The following MAPRE2 variants were observed in gnomAD, a reference collection of about 807,000 sequenced individuals.
MAPRE2 encodes microtubule associated protein RP/EB family member 2, also known as microtubule-associated protein RP/EB family member 2.
MAPRE2 carries 13 observed loss-of-function variants against 43.2 expected under a neutral mutation model. That is an observed-to-expected ratio of 0.30 (90% confidence interval 0.20 to 0.48). The LOEUF is 0.48. Ranked by LOEUF, MAPRE2 falls within the 20% of genes least tolerant of loss-of-function variation. The pLI is 0.99. For missense variants in MAPRE2, 161 were observed against 400.2 expected, an observed-to-expected ratio of 0.40 and a Z score of 5.10; for synonymous variants, 135 against 148.8, an observed-to-expected ratio of 0.91 and a Z score of 0.68.
chr18:35,108,941 A>G (rs749056884), intron 4 of MAPRE2, among the ~76,000 whole-genome samples: 10 of 152,002 alleles, frequency 6.6e-5, no homozygotes, highest in South Asian at 2.1e-4. Flanking sequence ...CACTCTGATG[A>G]TAGTTTCTTT....
At chr18:35,058,981 G>A (rs1365277167) in intron 1 of MAPRE2, among the ~76,000 whole-genome samples, 2 of 152,136 alleles carry the variant, frequency 1.3e-5, no homozygotes, top group South Asian at 2.1e-4. Flanking sequence ...AAACCTCTCC[G>A]AGTCTGTATC....
At chr18:35,083,499 C>T (rs1396085489) in intron 2 of MAPRE2, among the ~76,000 whole-genome samples, 1 of 152,228 alleles carries the variant, frequency 6.6e-6, no homozygotes, top group African/African-American at 2.4e-5. Flanking sequence ...AGACTCTAGC[C>T]TGTGAGACAT....
upstream of MAPRE2, chr18:35,041,355 C>T: frequency 6.9e-7 from 1 of 1,444,496 alleles, no homozygotes. Flanking sequence ...TGCCGGCGCT[C>T]TGACGTCAGC....
At chr18:35,108,889 G>T (rs1360602813) in intron 4 of MAPRE2, among the ~76,000 whole-genome samples, 1 of 152,048 alleles carries the variant, frequency 6.6e-6, no homozygotes, top group African/African-American at 2.4e-5. Context: ...TGTCAGATGG[G>T]TAGATTGCAA....
At chr18:35,022,419 C>T (rs1250682294) in intron 2 of MAPRE2, among the ~76,000 whole-genome samples, 1 of 151,928 alleles carries the variant, frequency 6.6e-6, no homozygotes. Flanking sequence ...ACGGTATATG[C>T]TTCTTCTGTC....
At chr18:35,063,319 G>T (rs1259984931) in intron 1 of MAPRE2, among the ~76,000 whole-genome samples, 2 of 152,000 alleles carry the variant, frequency 1.3e-5, no homozygotes, top group Non-Finnish European at 2.9e-5. Flanking sequence ...GTGTTAGCCA[G>T]GATGGTCTTG....
chr18:35,061,670 A>G (rs1021582622), intron 1 of MAPRE2, among the ~76,000 whole-genome samples: 7 of 152,218 alleles, frequency 4.6e-5, no homozygotes, highest in South Asian at 2.1e-4. Flanking sequence ...GCATACGGCA[A>G]TTAGTCCACA....
intron 2 of MAPRE2, among the ~76,000 whole-genome samples, chr18:35,092,190 A>G (rs949264151): frequency 6.6e-6 from 1 of 152,158 alleles, no homozygotes; most frequent in Non-Finnish European, 1.5e-5. Flanking sequence ...ACCAGGCCCC[A>G]CCTCCAAAAT....
intron 1 of MAPRE2, among the ~76,000 whole-genome samples, chr18:34,995,518 A>G (rs2097026062): frequency 6.6e-6 from 1 of 152,220 alleles, no homozygotes; most frequent in Non-Finnish European, 1.5e-5. Context: ...ATTTGCACAA[A>G]CTAGTTAATC....
chr18:35,035,762 G>T (rs2097050230), intron 2 of MAPRE2, among the ~76,000 whole-genome samples: 1 of 148,498 alleles, frequency 6.7e-6, no homozygotes. Flanking sequence ...TCCTTCCTGT[G>T]ATTTGCCCTA....
chr18:35,132,012 TCAC>T lies in MAPRE2; in HGVS notation c.751-19_751-17del. On this transcript the variant is annotated splice_polypyrimidine_tract_variant and intron_variant, in intron 5 of 6. Transcript: ENST00000300249. ...CTATATTTTGGGTGGTTTTTTTTCT[TCAC>T]TCTCACTCCCTTGCAGGTACATTCA... 6.2e-7 allele frequency: 1 copy of T among 1,612,130 alleles called. No homozygotes were observed. The highest frequency in any genetic ancestry group is 1.7e-5 in the Admixed American group (1 of 59,646).
intron 1 of MAPRE2, among the ~76,000 whole-genome samples, chr18:34,992,992 C>G (rs1230675355): frequency 6.6e-6 from 1 of 152,196 alleles, no homozygotes; most frequent in East Asian, 1.9e-4. Flanking sequence ...AGCAGAACCA[C>G]TGATGGAGCC....
At position 34,980,023 on chromosome 18, in the gene MAPRE2, CTTTTTTTCTTTTTTTTTTT is replaced by C. The variant is rs1194935716; in HGVS notation, c.-70+2952_-70+2970del. 5.4e-4 allele frequency among the ~76,000 whole-genome samples: 72 copies of C among 132,436 alleles called. 1 individual carries two copies. Among genetic ancestry groups the C allele is most frequent in the Non-Finnish European group, 5.7e-4 (36 of 62,840 alleles). The allele number at this position is 132,436 out of a possible 152,430, so 86.9% of individuals were successfully genotyped here. A position where few individuals can be genotyped will look rare whatever the true frequency, so the allele number is the denominator to read the frequency against. On this transcript the variant is annotated intron_variant, in intron 1 of 7. Coordinates refer to the MAPRE2 transcript ENST00000413393. ...TTTCTTTTCTTTTCTTTTTCTTTTT[CTTTTTTTCTTTTTTTTTTT>C]TTTTTTTTTTTTGAGACAGAGTCTC...
intron 1 of MAPRE2, among the ~76,000 whole-genome samples, chr18:35,050,163 A>G (rs1489053188): frequency 6.6e-6 from 1 of 152,082 alleles, no homozygotes; most frequent in Non-Finnish European, 1.5e-5. Flanking sequence ...TTTTTTTCTA[A>G]ACTGAAACTA....
chr18:35,128,799 G>A (rs771997799), intron 5 of MAPRE2, among the ~76,000 whole-genome samples: 4 of 151,952 alleles, frequency 2.6e-5, no homozygotes, highest in Non-Finnish European at 5.9e-5. Flanking sequence ...TCTCTTCCCC[G>A]TCTGCCACAC....
intron 2 of MAPRE2, among the ~76,000 whole-genome samples, chr18:35,009,031 C>T (rs1044129546): frequency 6.6e-6 from 1 of 151,832 alleles, no homozygotes; most frequent in Non-Finnish European, 1.5e-5. Flanking sequence ...TATTTTGTGC[C>T]TACTATCAGC....
rs528359969 is a variant in MAPRE2, at chr18:35,026,176, G to A, written c.-8+20623G>A. Among the ~76,000 whole-genome samples the A allele has an allele frequency of 3.4e-3, 523 of 152,010 alleles. 4 individuals carry two copies. Among genetic ancestry groups the A allele is most frequent in the Non-Finnish European group, 4.6e-3 (310 of 67,992 alleles). On this transcript the variant is annotated intron_variant, in intron 2 of 7. Transcript: ENST00000413393. The stretch of plus-strand genomic sequence containing the variant: ...GGGTGTGAGCAGCGGGAGAGGAATG[G>A]GCAGGACATACCTGTCCCCCTGTGA...
At chr18:35,005,402 C>A (rs2150580590) in intron 1 of MAPRE2, 1 of 707,028 alleles carries the variant, frequency 1.4e-6, no homozygotes, top group Non-Finnish European at 2.3e-6. Context: ...GCTGGCCACA[C>A]CCACTAAACT....
At chr18:35,135,890 G>A (rs1004357320) in intron 6 of MAPRE2, among the ~76,000 whole-genome samples, 2 of 152,242 alleles carry the variant, frequency 1.3e-5, no homozygotes, top group African/African-American at 4.8e-5. Flanking sequence ...CCCTCCTGGA[G>A]CTAGAAGGCC....
Sources: allele counts gnomAD v4.1 joint callset (sites outside exome capture counted in the v4.1 genomes callset), GRCh38; gene constraint gnomAD v4.1.1; transcripts MANE v1.5; gene names NCBI Gene and HGNC (gene_info 2026-07-23, HGNC 2026-07-21).